The following BRSK2 variants were observed in gnomAD, a reference collection of about 807,000 sequenced individuals.
BRSK2 encodes BR serine/threonine kinase 2.
In BRSK2, 19 loss-of-function variants were observed where a neutral mutation model predicts 83.3. The observed-to-expected ratio is 0.23, with a 90% confidence interval of 0.16 to 0.33. BRSK2 has a LOEUF of 0.33. Ranked by LOEUF, BRSK2 falls within the 10% of genes least tolerant of loss-of-function variation. The pLI, the probability that BRSK2 is intolerant of heterozygous loss-of-function variation, is 1.00. For missense variants in BRSK2, 798 were observed against 1,042.3 expected (o/e 0.77, Z 3.23); for synonymous variants, 519 against 435.4 (o/e 1.19, Z -2.39).
At chr11:1,417,545 G>T (rs1364031205) in intron 1 of BRSK2, among the ~76,000 whole-genome samples, 436 of 100,912 alleles carry the variant, frequency 4.3e-3, no homozygotes, top group East Asian at 0.01. Flanking sequence ...ATGCTTCTGT[G>T]GGCTGTTTCT....
At chr11:1,417,618 G>T (rs1395333425) in intron 1 of BRSK2, among the ~76,000 whole-genome samples, 1 of 126,726 alleles carries the variant, frequency 7.9e-6, no homozygotes, top group Non-Finnish European at 1.7e-5. Context: ...TTGAGAGTGG[G>T]TCACCTGTGT....
At chr11:1,441,365 G>C (rs1428649062) in intron 4 of BRSK2, among the ~76,000 whole-genome samples, 1 of 40,066 alleles carries the variant, frequency 2.5e-5, no homozygotes, top group Non-Finnish European at 4.3e-5. Context: ...CCCCTCAAGT[G>C]CACCGTGCCC....
intron 18 of BRSK2, among the ~76,000 whole-genome samples, chr11:1,458,205 C>T (rs565790888): frequency 6.6e-5 from 10 of 152,134 alleles, no homozygotes; most frequent in Admixed American, 1.3e-4. Flanking sequence ...GTGCCTCAGT[C>T]GAGCGCTCCT....
At chr11:1,452,103 C>T (rs932388628) in intron 15 of BRSK2, among the ~76,000 whole-genome samples, 7 of 152,216 alleles carry the variant, frequency 4.6e-5, no homozygotes, top group East Asian at 1.9e-4. Context: ...CGGCAGAGAG[C>T]GGCGGTCAGG....
In BRSK2 at chr11:1,460,575, C is replaced by T; in HGVS notation, c.2063C>T (p.Ala688Val). 6.5e-7 allele frequency: 1 copy of T among 1,533,570 alleles called. No homozygotes were observed. The highest frequency in any genetic ancestry group is 8.7e-7 in the Non-Finnish European group (1 of 1,145,446). The allele number at this position is 1,533,570 out of a possible 1,614,324, so 95.0% of individuals were successfully genotyped here. A position where few individuals can be genotyped will look rare whatever the true frequency, so the allele number is the denominator to read the frequency against. The change falls in exon 20 of 20, where the codon GCC becomes GTC. Residue 688 changes from alanine to valine, a missense_variant. By Grantham distance (64) the Ala-to-Val change is moderately conservative. This residue lies in a region of BRSK2 where 455 missense variants were observed against 455.2 expected (regional missense o/e 1.00). Coordinates refer to ENST00000528841, the MANE Select transcript of BRSK2 (RefSeq NM_001256627.2). Reference sequence around the variant, plus strand: ...GAGAAGAACGGGCAGGCGGCCCAGGCCCCCAGCACGCCCGCCAAGCGGAGT... The same window carrying T: ...GAGAAGAACGGGCAGGCGGCCCAGGTCCCCAGCACGCCCGCCAAGCGGAGT... ...SDEKNGQAAQ[A>V]PSTPAKRSAH...
chr11:1,459,599 G>A (rs1847149863), intron 19 of BRSK2, among the ~76,000 whole-genome samples: 1 of 152,252 alleles, frequency 6.6e-6, no homozygotes, highest in Non-Finnish European at 1.5e-5. Flanking sequence ...ACTGGAGGCT[G>A]TGCCTGGCAG....
chr11:1,395,810 C>T (rs187125679), intron 1 of BRSK2, among the ~76,000 whole-genome samples: 3 of 152,308 alleles, frequency 2.0e-5, no homozygotes, highest in Non-Finnish European at 4.4e-5. Flanking sequence ...AGGCTGTGCC[C>T]CCTCCCCCAG....
chr11:1,462,424 C>T lies in BRSK2; in HGVS notation c.*1701C>T, dbSNP rs1847604184. On this transcript the variant is annotated 3_prime_UTR_variant, in exon 20 of 20. Transcript: ENST00000528841. Reference sequence around the variant, plus strand: ...TTTTAACGCTTCTGTTAACATTAGACCTCTGCCACAGGCTGGGATTTCTAT... The same window carrying T: ...TTTTAACGCTTCTGTTAACATTAGATCTCTGCCACAGGCTGGGATTTCTAT... 2 of 152,352 alleles carry T rather than the reference C, an allele frequency of 1.3e-5. No homozygotes were observed. Among genetic ancestry groups the T allele is most frequent in the South Asian group, 2.1e-4 (1 of 4,832 alleles). 9.4% of individuals were successfully genotyped at this position (152,352 alleles called of 1,614,324 possible).
At chr11:1,446,169 CCTGGG>C (rs376046232) in intron 12 of BRSK2, among the ~76,000 whole-genome samples, 41 of 117,952 alleles carry the variant, frequency 3.5e-4, no homozygotes, top group Admixed American at 1.7e-3. Context: ...GCTGGGCTGG[CCTGGG>C]CTGGGCTGGG....
At chr11:1,446,512 G>T (rs897524429) in intron 12 of BRSK2, among the ~76,000 whole-genome samples, 4 of 152,192 alleles carry the variant, frequency 2.6e-5, no homozygotes, top group African/African-American at 9.7e-5. Context: ...AGAGCCATCA[G>T]CCCAGCAAGC....
At chr11:1,398,961 G>A (rs1050939946) in intron 1 of BRSK2, among the ~76,000 whole-genome samples, 1 of 152,194 alleles carries the variant, frequency 6.6e-6, no homozygotes, top group Non-Finnish European at 1.5e-5. Flanking sequence ...CCTGGCTTTC[G>A]TCCTGCGCCG....
chr11:1,457,635 C>T (rs1846773695), intron 18 of BRSK2, among the ~76,000 whole-genome samples: 1 of 152,054 alleles, frequency 6.6e-6, no homozygotes, highest in South Asian at 2.1e-4. Context: ...GGGGGAGCAC[C>T]CGGCTGGACC....
chr11:1,420,618 C>T (rs1441288431), intron 1 of BRSK2, among the ~76,000 whole-genome samples: 2 of 152,172 alleles, frequency 1.3e-5, no homozygotes, highest in African/African-American at 4.8e-5. Context: ...GCCTGGACCC[C>T]CTGTGACTCC....
At position 1,454,347 on chromosome 11, in the gene BRSK2, T is replaced by C; in HGVS notation, c.1545-138T>C. 1 of 1,041,336 alleles carries C rather than the reference T, an allele frequency of 9.6e-7. No homozygotes were observed. The highest frequency in any genetic ancestry group is 1.4e-6 in the Non-Finnish European group (1 of 700,178). 64.5% of individuals were successfully genotyped at this position (1,041,336 alleles called of 1,614,324 possible). ...GCGTTGGGGTCAGGGCCATGGGTTC[T>C]GGCTAGCACTGTGGAGACAGCCGTT... On this transcript the variant is annotated intron_variant, in intron 15 of 19. Transcript: ENST00000528841. This position sits in a 1 kb window ranked among gnomAD's most constrained non-coding sequence, Gnocchi z 5.2.
At chr11:1,402,798 G>A (rs1846577309) in intron 1 of BRSK2, among the ~76,000 whole-genome samples, 1 of 152,170 alleles carries the variant, frequency 6.6e-6, no homozygotes, top group East Asian at 1.9e-4. Flanking sequence ...TGACACACGG[G>A]GAGGGAACAG....
intron 3 of BRSK2, 77 bp from the exon 4 acceptor site, chr11:1,440,711 G>C (rs1043109017): frequency 2.0e-6 from 3 of 1,496,834 alleles, no homozygotes; most frequent in Non-Finnish European, 2.7e-6. Flanking sequence ...GCCAGGAGGC[G>C]GCTGTGGGAG....
At chr11:1,392,622 A>G (rs777267078) in intron 1 of BRSK2, among the ~76,000 whole-genome samples, 13 of 152,110 alleles carry the variant, frequency 8.5e-5, no homozygotes, top group Non-Finnish European at 1.9e-4. Context: ...ACGGTGGGCC[A>G]AAGATGTGGT....
intron 1 of BRSK2, among the ~76,000 whole-genome samples, chr11:1,401,999 C>G (rs1241877768): frequency 6.6e-6 from 1 of 152,234 alleles, no homozygotes; most frequent in Non-Finnish European, 1.5e-5. Context: ...TCCTGCTGGC[C>G]AGTCCCCCAG....
Position 1,451,352 on chromosome 11 carries a change from G to A in BRSK2, c.1496-19G>A, listed in dbSNP as rs374428369. 2.5e-6 allele frequency: 4 copies of A among 1,612,858 alleles called. No homozygotes were observed. Among genetic ancestry groups the A allele is most frequent in the South Asian group, 2.2e-5 (2 of 91,090 alleles). On this transcript the variant is annotated intron_variant, in intron 14 of 19. Transcript: ENST00000528841. ...GAGCGGTCACCACGCCTTTCCTCCT[G>A]TTCATCCTGTGTGCACAGTTCCGAC...
Sources: gnomAD v4.1 joint callset for allele counts (sites outside exome capture counted in the v4.1 genomes callset) on GRCh38, gnomAD v4.1.1 for gene constraint, gnomAD v4.1.1 regional missense constraint, Gnocchi (gnomAD v3.1) non-coding constraint, MANE v1.5 for transcripts, NCBI Gene and HGNC (gene_info 2026-07-23, HGNC 2026-07-21) for gene names.